The following CAST variants were observed in gnomAD, a reference collection of about 807,000 sequenced individuals.
CAST encodes MIR583 host.
CAST carries 76 observed loss-of-function variants against 119.6 expected under a neutral mutation model. The observed-to-expected ratio is 0.64, with a 90% CI of 0.53 to 0.77. CAST has a LOEUF of 0.77. Ranked by LOEUF, CAST falls within the 30% of genes least tolerant of loss-of-function variation. The pLI, the probability that CAST is intolerant of heterozygous loss-of-function variation, is 0.00. For synonymous variants in CAST, 319 were observed against 331.6 expected (o/e 0.96, Z 0.41); for missense variants, 953 against 946.5 (o/e 1.01, Z -0.09).
intron 20 of CAST, among the ~76,000 whole-genome samples, chr5:96,750,958 C>A (rs1764921815): frequency 1.3e-5 from 2 of 152,148 alleles, no homozygotes; most frequent in Non-Finnish European, 2.9e-5. Flanking sequence ...CCTGCCTTTT[C>A]ACTTCTCTGC....
At chr5:96,485,200 AG>A in the CAST span, among the ~76,000 whole-genome samples, 1 of 152,142 alleles carries the variant, frequency 6.6e-6, no homozygotes, top group Admixed American at 6.5e-5. Context: ...TTGAAAAGTG[AG>A]TGTGGATTAG....
At chr5:96,727,593 C>T (rs1356774041) in intron 6 of CAST, 63 bp downstream of exon 6, 1 of 1,080,920 alleles carries the variant, frequency 9.3e-7, no homozygotes, top group Admixed American at 2.2e-5. Context: ...GAATAATCAA[C>T]TTCCTGCCTT....
intron 9 of CAST, among the ~76,000 whole-genome samples, chr5:96,735,494 G>A (rs1761442699): frequency 6.6e-6 from 1 of 152,212 alleles, no homozygotes; most frequent in African/African-American, 2.4e-5. Flanking sequence ...GAAATGTGCA[G>A]AGTGTATACA....
chr5:96,537,669 C>A (rs1745843744), intron 1 of CAST, among the ~76,000 whole-genome samples: 1 of 152,190 alleles, frequency 6.6e-6, no homozygotes, highest in African/African-American at 2.4e-5. Flanking sequence ...TAGACTCTGC[C>A]ATCTTTGAAG....
At chr5:96,382,964 C>T in the CAST span, among the ~76,000 whole-genome samples, 1 of 152,184 alleles carries the variant, frequency 6.6e-6, no homozygotes, top group Non-Finnish European at 1.5e-5. Context: ...CTCAACAACA[C>T]TGTCCATAAG....
At chr5:96,592,774 TTC>T (rs1183073783) in intron 1 of CAST, among the ~76,000 whole-genome samples, 1 of 151,648 alleles carries the variant, frequency 6.6e-6, no homozygotes, top group African/African-American at 2.4e-5. Flanking sequence ...CTTTTTTTTT[TTC>T]TTTTTTGAGA....
At chr5:96,012,812 G>T in the CAST span, among the ~76,000 whole-genome samples, 1 of 152,256 alleles carries the variant, frequency 6.6e-6, no homozygotes, top group Admixed American at 6.5e-5. Context: ...AATGGCATAG[G>T]GTTAGCAGTT....
the CAST span, among the ~76,000 whole-genome samples, chr5:96,287,933 T>C: frequency 6.6e-6 from 1 of 152,162 alleles, no homozygotes; most frequent in East Asian, 1.9e-4. Context: ...GAAAATCTTT[T>C]TACGGTGGGA....
the CAST span, among the ~76,000 whole-genome samples, chr5:96,388,160 T>C: frequency 3.3e-5 from 5 of 152,192 alleles, no homozygotes; most frequent in Admixed American, 3.3e-4. Flanking sequence ...AGGAAAGTGG[T>C]CTCTGCCTCC....
At chr5:96,242,308 T>C in the CAST span, among the ~76,000 whole-genome samples, 3 of 152,210 alleles carry the variant, frequency 2.0e-5, no homozygotes, top group Admixed American at 1.3e-4. Flanking sequence ...AATTATTTAT[T>C]TATTTAGAGA....
the CAST span, among the ~76,000 whole-genome samples, chr5:96,478,107 A>G: frequency 7.2e-5 from 11 of 152,212 alleles, no homozygotes; most frequent in African/African-American, 2.2e-4. Context: ...ATAGATTAAT[A>G]TTGTCTAAAA....
chr5:96,744,013 C>T (rs748612643), intron 16 of CAST, among the ~76,000 whole-genome samples: 15 of 152,034 alleles, frequency 9.9e-5, no homozygotes, highest in South Asian at 4.2e-4. Context: ...TGTCATAAAC[C>T]TCAGGATCAA....
the CAST span, among the ~76,000 whole-genome samples, chr5:95,981,476 T>TA: frequency 1.3e-5 from 2 of 152,250 alleles, 1 homozygote; most frequent in South Asian, 4.1e-4. Flanking sequence ...AGATTCTTGT[T>TA]AAAATGCAGA....
At chr5:96,137,783 T>C in the CAST span, among the ~76,000 whole-genome samples, 7 of 152,276 alleles carry the variant, frequency 4.6e-5, no homozygotes, top group Admixed American at 3.3e-4. Context: ...TTGCTATCTG[T>C]ATATAATCTT....
At chr5:96,647,257 C>A (rs1748025622) in intron 1 of CAST, among the ~76,000 whole-genome samples, 1 of 152,158 alleles carries the variant, frequency 6.6e-6, no homozygotes, top group African/African-American at 2.4e-5. Flanking sequence ...TAATTACATC[C>A]AATCCAGACT....
the CAST span, among the ~76,000 whole-genome samples, chr5:96,418,885 C>A: frequency 6.6e-6 from 1 of 152,126 alleles, no homozygotes. Flanking sequence ...CTCTGCTGCT[C>A]CCATCGGATG....
the CAST span, among the ~76,000 whole-genome samples, chr5:96,353,885 C>G: frequency 1.3e-5 from 2 of 152,198 alleles, no homozygotes; most frequent in African/African-American, 4.8e-5. Flanking sequence ...CTATCTGTCT[C>G]TATCTCGATC....
At chr5:96,224,583 A>C in the CAST span, among the ~76,000 whole-genome samples, 3 of 152,186 alleles carry the variant, frequency 2.0e-5, no homozygotes, top group Admixed American at 2.0e-4. Context: ...GCTGGAAGAC[A>C]TAAGGATCCG....
chr5:96,351,771 TTAAC>T, the CAST span, among the ~76,000 whole-genome samples: 3 of 152,182 alleles, frequency 2.0e-5, no homozygotes, highest in African/African-American at 7.2e-5. Context: ...TCTTTTATGT[TTAAC>T]TATATACTGC....
Sources: gnomAD v4.1 joint callset for allele counts (sites outside exome capture counted in the v4.1 genomes callset) on GRCh38, gnomAD v4.1.1 for gene constraint, MANE v1.5 for transcripts, NCBI Gene and HGNC (gene_info 2026-07-23, HGNC 2026-07-21) for gene names.